BMS1: variants seen among roughly 807,000 people sequenced by gnomAD.
BMS1 encodes BMS1 ribosome biogenesis factor.
A neutral mutation model predicts 138.7 loss-of-function variants in BMS1; 53 were observed. The observed-to-expected ratio is 0.38, with a 90% CI of 0.31 to 0.48. The LOEUF is 0.48. BMS1 is among the 20% of genes least tolerant of loss of function. BMS1 has a pLI of 0.97. For synonymous variants in BMS1, 504 were observed against 539.9 expected (o/e 0.93, Z 0.92); for missense variants, 1,360 against 1,565.5 (o/e 0.87, Z 2.22).
At chr10:42,830,114 G>A (rs1842759400) in intron 21 of BMS1, 147 bp from the exon 22 acceptor site, 1 of 850,402 alleles carries the variant, frequency 1.2e-6, no homozygotes, top group East Asian at 2.7e-5. Flanking sequence ...TTTGGCAGAT[G>A]ATTGAGTCCT....
intron 4 of BMS1, among the ~76,000 whole-genome samples, chr10:42,787,647 C>T (rs942798419): frequency 2.0e-5 from 3 of 152,124 alleles, no homozygotes; most frequent in Non-Finnish European, 4.4e-5. Context: ...CCTTGATACA[C>T]CCTTGAGGTG....
At chr10:42,815,220 A>G (rs1842311625) in intron 13 of BMS1, among the ~76,000 whole-genome samples, 1 of 152,166 alleles carries the variant, frequency 6.6e-6, no homozygotes, top group Admixed American at 6.5e-5. Flanking sequence ...TATTCAGTAG[A>G]TAATATTTAC....
intron 17 of BMS1, 106 bp from the exon 18 acceptor site, chr10:42,820,828 T>C (rs1842484883): frequency 1.7e-6 from 2 of 1,209,656 alleles, no homozygotes; most frequent in East Asian, 4.8e-5. Flanking sequence ...TGGTTTGGAG[T>C]ATATATGTAA....
At chr10:42,788,696 T>C (rs1841414076) in intron 4 of BMS1, among the ~76,000 whole-genome samples, 1 of 152,174 alleles carries the variant, frequency 6.6e-6, no homozygotes, top group South Asian at 2.1e-4. Context: ...ATGTAAATCT[T>C]TTAAAGATTT....
rs143474734 is a variant in BMS1 at position 42,822,774 on chromosome 10, G to T, written c.3133-344G>T. On this transcript the variant is annotated intron_variant, in intron 19 of 22. Coordinates refer to ENST00000374518, the MANE Select transcript of BMS1 (RefSeq NM_014753.4). ...TACTGTTTTCATGTTCTAAGTGCAT[G>T]CACCTGAGTAAAAGCATCTGGGCTG... is the stretch of plus-strand genomic sequence containing the variant. 4.9e-3 allele frequency among the ~76,000 whole-genome samples: 751 copies of T among 152,300 alleles called. 8 individuals carry two copies. The highest frequency in any genetic ancestry group is 0.011 in the Admixed American group (170 of 15,298).
chr10:42,816,092 G>A (rs1842339413), intron 13 of BMS1, among the ~76,000 whole-genome samples: 1 of 152,096 alleles, frequency 6.6e-6, no homozygotes, highest in Non-Finnish European at 1.5e-5. Context: ...ACGAGGTCAG[G>A]AGTTCGAGAC....
chr10:42,816,665 A>G lies in BMS1; in HGVS notation c.2396A>G (p.Asn799Ser), dbSNP rs147307707. The G allele has an allele frequency of 3.4e-4, 551 of 1,611,326 alleles. 1 individual carries two copies. The highest frequency in any genetic ancestry group is 2.8e-3 in the African/African-American group (208 of 74,944). Residue 799 changes from asparagine (N) to serine (S), a missense_variant, in exon 14 of 23, where the codon AAT (asparagine) becomes AGT (serine). By Grantham distance (46) the Asn-to-Ser change is conservative. Coordinates refer to ENST00000374518, the MANE Select transcript of BMS1 (RefSeq NM_014753.4). The part of the protein sequence containing the change: ...GDVHKGKSGP[N>S]TQNEDIEKEV... ...GTGCACAAGGGAAAATCAGGCCCCA[A>G]TACTCAGGTATGACTTTGTCGTAGC...
At chr10:42,801,509 C>T (rs7905633) in intron 12 of BMS1, among the ~76,000 whole-genome samples, 4,154 of 152,258 alleles carry the variant, frequency 0.027, 183 homozygotes, top group African/African-American at 0.095. Flanking sequence ...CCAGCACTTG[C>T]TATTATCTGT....
At chr10:42,827,219 G>C (rs1842672977) in intron 21 of BMS1, among the ~76,000 whole-genome samples, 1 of 152,142 alleles carries the variant, frequency 6.6e-6, no homozygotes, top group Non-Finnish European at 1.5e-5. Context: ...TCCCCATGAG[G>C]TGAAGCAGCA....
chr10:42,797,485 A>C lies in BMS1; in HGVS notation c.2051A>C (p.Gln684Pro), dbSNP rs1045173770. 1 of 1,614,256 alleles carries C rather than the reference A, an allele frequency of 6.2e-7. No individual in the cohort carries two copies. Residue 684 changes from glutamine (Q) to proline (P), a missense_variant, in exon 11 of 23, where the codon CAA becomes CCA. Physicochemically the swap from Gln to Pro is moderately conservative, Grantham distance 76. Transcript: ENST00000374518. ...KAAEAFLRQQ[Q>P]AAPNLRKLIY... ...GCTGAGGCCTTTCTGAGGCAGCAGC[A>C]AGCAGCTCCAAACCTCCGAAAGCTT...
chr10:42,792,763 G>T, intron 7 of BMS1, 149 bp downstream of exon 7: 1 of 1,371,464 alleles, frequency 7.3e-7, no homozygotes, highest in Middle Eastern at 2.7e-4. Flanking sequence ...GGCCTGCAAA[G>T]GTGTTACTGA....
chr10:42,818,594 C>T (rs1202247395), intron 15 of BMS1, among the ~76,000 whole-genome samples: 4 of 152,132 alleles, frequency 2.6e-5, no homozygotes, highest in African/African-American at 7.2e-5. Context: ...CCTGGAAGGA[C>T]GGGTTGTTGT....
At chr10:42,783,740 C>G (rs551125959) in intron 1 of BMS1, among the ~76,000 whole-genome samples, 1 of 152,256 alleles carries the variant, frequency 6.6e-6, no homozygotes, top group East Asian at 1.9e-4. Flanking sequence ...CTATCTCACA[C>G]GTACAGCTAT....
intron 13 of BMS1, 40 bp downstream of exon 13, chr10:42,802,258 C>G: frequency 6.4e-7 from 1 of 1,562,496 alleles, no homozygotes; most frequent in Non-Finnish European, 8.8e-7. Context: ...ACTGGCTTCT[C>G]TAAACTTTAT....
intron 3 of BMS1, among the ~76,000 whole-genome samples, 169 bp from the exon 4 acceptor site, chr10:42,786,999 A>G (rs1272427757): frequency 6.6e-6 from 1 of 152,178 alleles, no homozygotes; most frequent in Admixed American, 6.5e-5. Flanking sequence ...AACAGAATGG[A>G]ATTTATTTTA....
Position 42,831,544 on chromosome 10 carries a change from G to A in BMS1, c.*448G>A, listed in dbSNP as rs543087136. 6.0e-4 allele frequency: 102 copies of A among 168,882 alleles called. No individual in the cohort carries two copies. The highest frequency in any genetic ancestry group is 1.1e-3 in the Non-Finnish European group (90 of 79,234). The allele number at this position is 168,882 out of a possible 1,614,324, so 10.5% of individuals were successfully genotyped here. On this transcript the variant is annotated 3_prime_UTR_variant, in exon 23 of 23. Coordinates refer to ENST00000374518, the MANE Select transcript of BMS1 (RefSeq NM_014753.4). ...CTCTGAGCTCCCATGGAAGATTTTA[G>A]AGAATAGTGTGTAGTGTTTTTGTTT...
chr10:42,820,652 A>G lies in BMS1; in HGVS notation c.2914A>G (p.Thr972Ala). Reference sequence around the variant, plus strand: ...TGGAAGACAAAGGCTTCTAAAGTATACCCCACAGCACATGCATTGCGGAGC... The same window carrying G: ...TGGAAGACAAAGGCTTCTAAAGTATGCCCCACAGCACATGCATTGCGGAGC... ...HNGRQRLLKY[T>A]PQHMHCGAAF... Residue 972 changes from threonine to alanine, a missense_variant, in exon 17 of 23, where the codon ACC becomes GCC. Transcript: ENST00000374518. 1 of 1,611,992 alleles carries G rather than the reference A, an allele frequency of 6.2e-7. No individual in the cohort carries two copies. The highest frequency in any genetic ancestry group is 8.5e-7 in the Non-Finnish European group (1 of 1,179,848).
intron 13 of BMS1, among the ~76,000 whole-genome samples, chr10:42,808,445 CCCA>C (rs1842075970): frequency 6.6e-6 from 1 of 151,562 alleles, no homozygotes; most frequent in African/African-American, 2.4e-5. Context: ...ACTACAGGCG[CCCA>C]CCACCACATC....
At chr10:42,803,726 G>A (rs2132334639) in intron 13 of BMS1, among the ~76,000 whole-genome samples, 1 of 152,294 alleles carries the variant, frequency 6.6e-6, no homozygotes, top group Middle Eastern at 3.4e-3. Context: ...TCAAAAGAAA[G>A]TGTGGTGGGT....
Sources: gnomAD v4.1 joint callset for allele counts (sites outside exome capture counted in the v4.1 genomes callset) on GRCh38, gnomAD v4.1.1 for gene constraint, MANE v1.5 for transcripts, NCBI Gene and HGNC (gene_info 2026-07-23, HGNC 2026-07-21) for gene names.